The following PCNX2 variants were observed in gnomAD, a reference collection of about 807,000 sequenced individuals.
PCNX2 encodes pecanex-like protein 2.
PCNX2 carries 168 observed loss-of-function variants against 223.8 expected under a neutral mutation model. That is an observed-to-expected ratio of 0.75 (90% CI 0.66 to 0.85). The LOEUF is 0.85. PCNX2 is among the 40% of genes least tolerant of loss of function. The probability of loss-of-function intolerance (pLI) is 0.00; values close to 1 mark genes in which losing one functional copy is unlikely to be tolerated. For missense variants in PCNX2, 2,507 were observed against 2,675.5 expected (o/e 0.94, Z 1.39); for synonymous variants, 1,006 against 1,052.6 (o/e 0.96, Z 0.86).
At chr1:233,174,400 A>G (rs1441430817) in intron 17 of PCNX2, among the ~76,000 whole-genome samples, 1 of 149,624 alleles carries the variant, frequency 6.7e-6, no homozygotes, top group Non-Finnish European at 1.5e-5. Flanking sequence ...TTTATATATA[A>G]ATTTTTGGAT....
intron 23 of PCNX2, among the ~76,000 whole-genome samples, chr1:233,076,408 A>G (rs1673100176): frequency 6.6e-6 from 1 of 152,056 alleles, no homozygotes; most frequent in Non-Finnish European, 1.5e-5. Context: ...GCAGTGACAC[A>G]CTCAGCTGTG....
chr1:233,160,527 T>G (rs1348829602), intron 18 of PCNX2, 94 bp from the exon 19 acceptor site: 1 of 1,364,628 alleles, frequency 7.3e-7, no homozygotes, highest in African/African-American at 1.4e-5. Context: ...TCCTTCCACT[T>G]TTTCCTCTTA....
At chr1:233,069,653 C>CAA (rs144585577) in intron 23 of PCNX2, among the ~76,000 whole-genome samples, 85 of 147,948 alleles carry the variant, frequency 5.7e-4, no homozygotes, top group Non-Finnish European at 1.0e-3. Flanking sequence ...GAAACACACA[C>CAA]AAAAAAAAGA....
chr1:233,234,503 A>C lies in PCNX2; in HGVS notation c.2358+2342T>G, dbSNP rs80109946. Among the ~76,000 whole-genome samples the C allele has an allele frequency of 4.2e-3, 642 of 152,334 alleles. 3 individuals carry two copies. Among genetic ancestry groups the C allele is most frequent in the Non-Finnish European group, 6.9e-3 (468 of 68,034 alleles). ...CTACAGATGAGTTGAGTTTTTATGC[A>C]TCATCGTGACATTTATAGGATTACA... is the stretch of plus-strand genomic sequence containing the variant. On this transcript the variant is annotated intron_variant, in intron 9 of 33. Coordinates refer to ENST00000258229, the MANE Select transcript of PCNX2 (RefSeq NM_014801.4).
At chr1:233,107,477 C>G (rs140418318) in intron 21 of PCNX2, among the ~76,000 whole-genome samples, 1 of 152,336 alleles carries the variant, frequency 6.6e-6, no homozygotes, top group Non-Finnish European at 1.5e-5. Flanking sequence ...ATGATCCACA[C>G]TGGGACATTC....
chr1:233,153,770 A>C (rs577162803), intron 19 of PCNX2, among the ~76,000 whole-genome samples: 1 of 152,300 alleles, frequency 6.6e-6, no homozygotes, highest in East Asian at 1.9e-4. Context: ...GAAAATCAGA[A>C]ATGGGGCAGG....
At chr1:233,051,240 G>A (rs1185930626) in intron 25 of PCNX2, among the ~76,000 whole-genome samples, 1 of 152,238 alleles carries the variant, frequency 6.6e-6, no homozygotes, top group African/African-American at 2.4e-5. Context: ...ATACACTGTT[G>A]ATGGGAATGT....
In PCNX2 at chr1:233,139,942, C is replaced by T. The variant is rs192265713; in HGVS notation, c.3518-87G>A. ...AGGTAATAATAAGTAATATTCCCCC[C>T]CTTTAATTCAAAAGCTGCTAATTAA... On this transcript the variant is annotated intron_variant, in intron 19 of 33. Coordinates refer to ENST00000258229, the MANE Select transcript of PCNX2 (RefSeq NM_014801.4). This position sits in a 1 kb window ranked among gnomAD's most constrained non-coding sequence, Gnocchi z 4.4. 4 of 1,456,048 alleles carry T rather than the reference C, an allele frequency of 2.7e-6. No homozygotes were observed. Among genetic ancestry groups the T allele is most frequent in the Admixed American group, 5.0e-5 (2 of 40,228 alleles). The allele number at this position is 1,456,048 out of a possible 1,614,324, so 90.2% of individuals were successfully genotyped here.
chr1:233,227,006 T>C, intron 10 of PCNX2, among the ~76,000 whole-genome samples: 1 of 152,324 alleles, frequency 6.6e-6, no homozygotes, highest in African/African-American at 2.4e-5. Context: ...TAATTTATTA[T>C]TAATAAGAGT....
chr1:233,172,283 C>T (rs1679200495), intron 17 of PCNX2: 6 of 929,958 alleles, frequency 6.5e-6, no homozygotes, highest in Non-Finnish European at 7.7e-6. Flanking sequence ...TTGGGAAACA[C>T]TTGGACAAGG....
At chr1:233,044,013 C>A (rs1490757967) in intron 25 of PCNX2, among the ~76,000 whole-genome samples, 3 of 147,738 alleles carry the variant, frequency 2.0e-5, no homozygotes, top group East Asian at 2.1e-4. Context: ...AACTAGTTTA[C>A]AGTCCCACCA....
At chr1:233,282,276 G>A (rs553195533) in intron 1 of PCNX2, among the ~76,000 whole-genome samples, 7 of 151,874 alleles carry the variant, frequency 4.6e-5, no homozygotes, top group African/African-American at 1.2e-4. Context: ...CTCATTTCCC[G>A]CTCTACACAT....
At chr1:233,290,637 A>T in intron 1 of PCNX2, 1 of 639,894 alleles carries the variant, frequency 1.6e-6, no homozygotes, top group Non-Finnish European at 1.9e-6. Context: ...AATAACAATT[A>T]GAATGTGTTG....
At chr1:233,284,088 CAT>C (rs373178278) in intron 1 of PCNX2, among the ~76,000 whole-genome samples, 67 of 152,254 alleles carry the variant, frequency 4.4e-4, no homozygotes, top group African/African-American at 1.6e-3. Flanking sequence ...AACTAAAAGC[CAT>C]GTTTGATCCT....
At chr1:233,084,827 A>G (rs1456401443) in intron 23 of PCNX2, among the ~76,000 whole-genome samples, 2 of 152,228 alleles carry the variant, frequency 1.3e-5, no homozygotes, top group Non-Finnish European at 2.9e-5. Flanking sequence ...ACGGGGATGT[A>G]TAAACACAAA....
At chr1:233,115,852 T>C (rs1675376836) in intron 21 of PCNX2, among the ~76,000 whole-genome samples, 1 of 152,086 alleles carries the variant, frequency 6.6e-6, no homozygotes. Context: ...CTAAATATAC[T>C]AAAGACAAAT....
At chr1:233,033,086 C>T (rs1027677326) in intron 25 of PCNX2, 20 of 985,236 alleles carry the variant, frequency 2.0e-5, no homozygotes, top group Non-Finnish European at 2.4e-5. Context: ...TGTGACCTTT[C>T]GAAGCCCCGG....
At position 233,161,376 on chromosome 1, in the gene PCNX2, A is replaced by G. The variant is rs1474459179; in HGVS notation, c.3274-13T>C. The G allele has an allele frequency of 5.0e-6, 8 of 1,611,086 alleles. No individual in the cohort carries two copies. The highest frequency in any genetic ancestry group is 6.8e-6 in the Non-Finnish European group (8 of 1,177,790). ...TTAAGACATCCGTCTGGAAAGAGAA[A>G]ACCAGCGGTAAAGGCGACTCTTCAT... On this transcript the variant is annotated splice_polypyrimidine_tract_variant and intron_variant, in intron 17 of 33. Coordinates refer to ENST00000258229, the MANE Select transcript of PCNX2 (RefSeq NM_014801.4).
chr1:233,272,730 T>C (rs1660706076), intron 1 of PCNX2, among the ~76,000 whole-genome samples: 1 of 152,220 alleles, frequency 6.6e-6, no homozygotes, highest in Non-Finnish European at 1.5e-5. Flanking sequence ...ATTGCAAAAA[T>C]ACGGAACCAG....
Sources: allele counts gnomAD v4.1 joint callset (sites outside exome capture counted in the v4.1 genomes callset), GRCh38; gene constraint gnomAD v4.1.1; non-coding constraint Gnocchi (gnomAD v3.1); transcripts MANE v1.5; gene names NCBI Gene and HGNC (gene_info 2026-07-23, HGNC 2026-07-21).